BRWD3: variants seen among roughly 807,000 people sequenced by gnomAD.
The protein encoded by BRWD3 is bromodomain and WD repeat-containing protein 3.
BRWD3 carries 10 observed loss-of-function variants against 149.7 expected under a neutral mutation model. The ratio of observed to expected loss-of-function variants is 0.07; its 90% CI spans 0.04 to 0.11. The LOEUF is 0.11. Among genes scored for constraint, BRWD3 ranks in the 10% least tolerant of loss-of-function variants. The pLI is 1.00. For missense variants in BRWD3, 940 were observed against 1,373.2 expected, an observed-to-expected ratio of 0.68 and a Z score of 4.99; for synonymous variants, 504 against 456.7, an observed-to-expected ratio of 1.10 and a Z score of -1.32.
intron 6 of BRWD3, among the ~76,000 whole-genome samples, chrX:80,767,141 G>C (rs1434563857): frequency 8.9e-6 from 1 of 111,769 alleles, no homozygotes; most frequent in Non-Finnish European, 1.9e-5. Flanking sequence ...CCTCAGCTCA[G>C]CAAGAAACTT....
chrX:80,685,495 A>G lies in BRWD3; in HGVS notation c.4047T>C (p.Val1349=), dbSNP rs2072508673. The G allele has an allele frequency of 8.3e-7, 1 of 1,209,182 alleles. No individual in the cohort carries two copies. The highest frequency in any genetic ancestry group is 1.1e-6 in the Non-Finnish European group (1 of 893,681). ...EQEGESSESV[V]PERQQDSSLS... Reference sequence around the variant, plus strand: ...GAGATGAATCTTGTTGTCTTTCTGGAACAACAGACTCTGAGGATTCTCCCT... The same window carrying G: ...GAGATGAATCTTGTTGTCTTTCTGGGACAACAGACTCTGAGGATTCTCCCT... The change falls in exon 36 of 41, where the codon GTT becomes GTC. Residue 1349 remains valine (V), a synonymous_variant. Transcript: ENST00000373275.
chrX:80,804,522 G>A (rs1286721520), intron 4 of BRWD3, among the ~76,000 whole-genome samples: 1 of 111,882 alleles, frequency 8.9e-6, no homozygotes, highest in Non-Finnish European at 1.9e-5. Context: ...ACAGGCATGA[G>A]CCACCACACC....
chrX:80,787,312 G>A (rs1419024956), intron 6 of BRWD3, among the ~76,000 whole-genome samples: 1 of 111,679 alleles, frequency 9.0e-6, no homozygotes, highest in Non-Finnish European at 1.9e-5. Context: ...TACATTCAGT[G>A]CAATCCCAAG....
chrX:80,723,825 C>T lies in BRWD3; in HGVS notation c.1573G>A (p.Gly525Arg). Residue 525 changes from glycine to arginine, a missense_variant, in exon 16 of 41, where the codon GGA becomes AGA. This residue lies in a region of BRWD3 where 209 missense variants were observed against 396.8 expected (regional missense o/e 0.53). Transcript: ENST00000373275. ...GAATCTGTGCAGGCAAAATGGTTTC[C>T]ATCTGGTGAAAATTTACAATCAAAC... Reference protein sequence around the residue: ...AVFDCKFSPDGNHFACTDSHG... With the variant: ...AVFDCKFSPDRNHFACTDSHG... The T allele has an allele frequency of 8.3e-7, 1 of 1,210,738 alleles. No homozygotes were observed. The highest frequency in any genetic ancestry group is 1.1e-6 in the Non-Finnish European group (1 of 894,538).
At position 80,698,282 on chromosome X, in the gene BRWD3, G is replaced by C. The variant is rs1005460888; in HGVS notation, c.2944-1419C>G. The stretch of plus-strand genomic sequence containing the variant: ...GCAAAACTGATCTTCATAGGTATAG[G>C]GTCCTGCTTAAAGTTATATATTAGC... On this transcript the variant is annotated intron_variant, in intron 25 of 40. Coordinates refer to ENST00000373275, the MANE Select transcript of BRWD3 (RefSeq NM_153252.5). Among the ~76,000 whole-genome samples, 16 of 111,508 alleles carry C rather than the reference G, an allele frequency of 1.4e-4. 1 individual carries two copies. The Admixed American group carries it at 1.4e-3, about 10-fold the overall frequency.
chrX:80,723,526 T>TC (rs2073179603), intron 16 of BRWD3, among the ~76,000 whole-genome samples: 3 of 110,262 alleles, frequency 2.7e-5, no homozygotes, highest in Admixed American at 9.6e-5. Context: ...AATGTTTATA[T>TC]CTTCATCACC....
chrX:80,798,962 C>T (rs1256112744), intron 4 of BRWD3, among the ~76,000 whole-genome samples: 1 of 111,962 alleles, frequency 8.9e-6, no homozygotes, highest in Non-Finnish European at 1.9e-5. Context: ...ATACAGGAAT[C>T]TGGGTTTCTC....
chrX:80,730,045 T>A, intron 12 of BRWD3, 25 bp from the exon 13 acceptor site: 1 of 1,061,538 alleles, frequency 9.4e-7, no homozygotes, highest in Non-Finnish European at 1.3e-6. Context: ...AATAACTTTA[T>A]TAATTTTCTC....
chrX:80,719,845 G>A (rs1456978415), intron 17 of BRWD3, among the ~76,000 whole-genome samples, 189 bp from the exon 18 acceptor site: 1 of 111,714 alleles, frequency 9.0e-6, no homozygotes, highest in Non-Finnish European at 1.9e-5. Flanking sequence ...CTTAACCAAT[G>A]CTCCCAAATT....
intron 14 of BRWD3, among the ~76,000 whole-genome samples, chrX:80,727,180 T>C (rs1157974320): frequency 9.0e-6 from 1 of 110,973 alleles, no homozygotes; most frequent in East Asian, 2.8e-4. Context: ...CAAATCTAAA[T>C]TATCATCCTG....
intron 33 of BRWD3, 80 bp downstream of exon 33, chrX:80,689,685 CCAA>C: frequency 1.1e-6 from 1 of 870,572 alleles, no homozygotes; most frequent in African/African-American, 2.0e-5. Flanking sequence ...CTGTTCATGG[CCAA>C]TTACAACATT....
At chrX:80,735,090 A>G (rs1374160826) in intron 10 of BRWD3, 37 bp downstream of exon 10, 7 of 1,094,432 alleles carry the variant, frequency 6.4e-6, no homozygotes, top group Non-Finnish European at 8.9e-6. Flanking sequence ...ATCGTTAAAT[A>G]TTCTAGATGC....
chrX:80,793,513 T>A lies in BRWD3; in HGVS notation c.331+109A>T. ...GAAAACAAAAACAACATTGGCAAGA[T>A]AAGAAAAACTAGTATTTAGAAAAGC... On this transcript the variant is annotated intron_variant, in intron 5 of 40. Coordinates refer to ENST00000373275, the MANE Select transcript of BRWD3 (RefSeq NM_153252.5). 4 of 861,028 alleles carry A rather than the reference T, an allele frequency of 4.6e-6. No homozygotes were observed. The Admixed American group carries it at 1.4e-4, about 30-fold the overall frequency. 71.0% of individuals were successfully genotyped at this position (861,028 alleles called of 1,213,427 possible).
chrX:80,679,998 G>A (rs963805247), intron 40 of BRWD3, among the ~76,000 whole-genome samples: 1 of 112,022 alleles, frequency 8.9e-6, no homozygotes, highest in Non-Finnish European at 1.9e-5. Context: ...TTATTTTCAA[G>A]TAATCAAATA....
intron 19 of BRWD3, 154 bp downstream of exon 19, chrX:80,717,419 C>G (rs764422170): frequency 1.2e-5 from 6 of 506,564 alleles, no homozygotes; most frequent in Middle Eastern, 4.1e-4. Flanking sequence ...TTATTTGTTA[C>G]GAAGTGAACT....
chrX:80,809,125 G>A (rs1320266177), intron 2 of BRWD3, 83 bp from the exon 3 acceptor site: 1 of 1,142,279 alleles, frequency 8.8e-7, no homozygotes, highest in Non-Finnish European at 1.2e-6. Context: ...CCCAGCCGCT[G>A]ACCGTTTGAC....
At chrX:80,729,490 G>A (rs1347301570) in intron 13 of BRWD3, among the ~76,000 whole-genome samples, 1 of 111,610 alleles carries the variant, frequency 9.0e-6, no homozygotes, top group East Asian at 2.8e-4. Flanking sequence ...ACTAAATGCT[G>A]ATTAAGTGGA....
At position 80,699,832 on chromosome X, in the gene BRWD3, T is replaced by C. The variant is rs2072756238; in HGVS notation, c.2943+125A>G. On this transcript the variant is annotated intron_variant, in intron 25 of 40. Coordinates refer to ENST00000373275, the MANE Select transcript of BRWD3 (RefSeq NM_153252.5). The stretch of plus-strand genomic sequence containing the variant: ...TTCAGTTCTACAAGAGTATAGATCA[T>C]CATCTTATCTTGGATACACAATCAA... 4 of 518,238 alleles carry C rather than the reference T, an allele frequency of 7.7e-6. No homozygotes were observed. The Admixed American group carries it at 8.3e-5, about 11-fold the overall frequency. The allele number at this position is 518,238 out of a possible 1,213,427, so 42.7% of individuals were successfully genotyped here.
chrX:80,782,285 A>C (rs1313975538), intron 6 of BRWD3, among the ~76,000 whole-genome samples: 1 of 111,923 alleles, frequency 8.9e-6, no homozygotes, highest in Non-Finnish European at 1.9e-5. Flanking sequence ...AAATGGTGCT[A>C]GGAAAATTGG....
Sources: gnomAD v4.1 joint callset for allele counts (sites outside exome capture counted in the v4.1 genomes callset) on GRCh38, gnomAD v4.1.1 for gene constraint, gnomAD v4.1.1 regional missense constraint, MANE v1.5 for transcripts, NCBI Gene and HGNC (gene_info 2026-07-23, HGNC 2026-07-21) for gene names.